FSTL4: variants seen among roughly 807,000 people sequenced by gnomAD.
FSTL4 encodes follistatin like 4.
A neutral mutation model predicts 78.2 loss-of-function variants in FSTL4; 28 were observed. That is an observed-to-expected ratio of 0.36 (90% CI 0.27 to 0.49). FSTL4 has a LOEUF of 0.49. Ranked by LOEUF, FSTL4 falls within the 20% of genes least tolerant of loss-of-function variation. The pLI, the probability that FSTL4 is intolerant of heterozygous loss-of-function variation, is 0.98. For synonymous variants in FSTL4, 422 were observed against 440.5 expected, an observed-to-expected ratio of 0.96 and a Z score of 0.53; for missense variants, 922 against 1,084.9, an observed-to-expected ratio of 0.85 and a Z score of 2.11.
At chr5:133,740,280 C>G in the FSTL4 span, among the ~76,000 whole-genome samples, 2 of 152,156 alleles carry the variant, frequency 1.3e-5, no homozygotes, top group Admixed American at 6.5e-5. Flanking sequence ...ACATCAAACT[C>G]TAAGAGTGGG....
intron 4 of FSTL4, among the ~76,000 whole-genome samples, chr5:133,389,621 G>A (rs1319885360): frequency 6.6e-6 from 1 of 152,044 alleles, no homozygotes; most frequent in Non-Finnish European, 1.5e-5. Flanking sequence ...CTGCTTTCCT[G>A]TCCATCACCC....
At chr5:133,549,190 T>A (rs1236766224) in intron 3 of FSTL4, among the ~76,000 whole-genome samples, 1 of 152,132 alleles carries the variant, frequency 6.6e-6, no homozygotes, top group Non-Finnish European at 1.5e-5. Context: ...AATATTACTC[T>A]TCCTGTTTTC....
intron 6 of FSTL4, among the ~76,000 whole-genome samples, chr5:133,267,953 G>A (rs1246573617): frequency 6.6e-6 from 1 of 152,184 alleles, no homozygotes; most frequent in African/African-American, 2.4e-5. Context: ...GAGGAGCTGT[G>A]TCTGCCACTG....
At chr5:133,315,425 C>G (rs1753881390) in intron 5 of FSTL4, among the ~76,000 whole-genome samples, 1 of 152,226 alleles carries the variant, frequency 6.6e-6, no homozygotes, top group South Asian at 2.1e-4. Context: ...AAGGGCCTAG[C>G]TCAATGTCAA....
intron 14 of FSTL4, among the ~76,000 whole-genome samples, chr5:133,205,218 G>C (rs116391242): frequency 8.2e-4 from 125 of 152,202 alleles, no homozygotes; most frequent in Non-Finnish European, 1.5e-3. Flanking sequence ...TTAATTAAAT[G>C]TCTTTTCAGT....
chr5:133,626,350 T>G, the FSTL4 span, among the ~76,000 whole-genome samples: 1 of 91,670 alleles, frequency 1.1e-5, no homozygotes, highest in Non-Finnish European at 1.9e-5. Flanking sequence ...CATATATATA[T>G]ATTCCATATA....
the FSTL4 span, among the ~76,000 whole-genome samples, chr5:133,666,925 C>G: frequency 2.0e-5 from 3 of 152,270 alleles, no homozygotes; most frequent in African/African-American, 4.8e-5. Context: ...ATATTTTAGT[C>G]TAGTCTCCTG....
At chr5:133,383,519 C>G (rs1278371006) in intron 4 of FSTL4, among the ~76,000 whole-genome samples, 1 of 152,196 alleles carries the variant, frequency 6.6e-6, no homozygotes, top group Non-Finnish European at 1.5e-5. Context: ...GCCCACTTCC[C>G]TGGAAGGAGT....
the FSTL4 span, among the ~76,000 whole-genome samples, chr5:133,628,361 C>CTTTTT: frequency 7.3e-6 from 1 of 137,782 alleles, no homozygotes; most frequent in African/African-American, 3.3e-5. Context: ...CTTTTCTTTT[C>CTTTTT]TTTTCTTTTT....
At chr5:133,835,654 C>A in the FSTL4 span, among the ~76,000 whole-genome samples, 2 of 152,126 alleles carry the variant, frequency 1.3e-5, no homozygotes, top group South Asian at 4.1e-4. Flanking sequence ...TAAGAAAATG[C>A]CTGCCCTGCT....
At chr5:133,750,275 A>T in the FSTL4 span, among the ~76,000 whole-genome samples, 1 of 152,222 alleles carries the variant, frequency 6.6e-6, no homozygotes, top group Admixed American at 6.5e-5. Context: ...TGCTTGCTCC[A>T]TGAAGTAATT....
chr5:133,220,955 C>G (rs1488789778), intron 11 of FSTL4, 89 bp from the exon 12 acceptor site: 1 of 810,624 alleles, frequency 1.2e-6, no homozygotes, highest in Non-Finnish European at 2.2e-6. Context: ...AAGAAACCGG[C>G]CACGTGGATG....
chr5:133,522,989 G>C (rs190571), intron 3 of FSTL4, among the ~76,000 whole-genome samples: 19,461 of 98,430 alleles, frequency 0.2, 1,301 homozygotes, highest in Non-Finnish European at 0.21. Context: ...TGCCACCCCC[G>C]AGTCCCCCCT....
chr5:133,233,762 G>A (rs1043360482), intron 7 of FSTL4, among the ~76,000 whole-genome samples: 1 of 152,192 alleles, frequency 6.6e-6, no homozygotes, highest in African/African-American at 2.4e-5. Context: ...TTAAGGCCTT[G>A]TGTACCTGGC....
At chr5:133,325,935 G>C (rs762608029) in intron 4 of FSTL4, among the ~76,000 whole-genome samples, 1 of 152,190 alleles carries the variant, frequency 6.6e-6, no homozygotes, top group African/African-American at 2.4e-5. Context: ...GCAAAGCTTC[G>C]ATCTTCACCA....
At chr5:133,270,326 G>T (rs1298974531) in intron 6 of FSTL4, among the ~76,000 whole-genome samples, 1 of 152,070 alleles carries the variant, frequency 6.6e-6, no homozygotes, top group Non-Finnish European at 1.5e-5. Context: ...AAGCCAATAA[G>T]AAAAAAATAA....
At chr5:133,546,891 A>G (rs555789184) in intron 3 of FSTL4, among the ~76,000 whole-genome samples, 1 of 152,232 alleles carries the variant, frequency 6.6e-6, no homozygotes, top group African/African-American at 2.4e-5. Context: ...AGTGGCATCA[A>G]TTTTGCAGGC....
intron 2 of FSTL4, among the ~76,000 whole-genome samples, chr5:133,594,827 C>A (rs570460192): frequency 1.5e-4 from 23 of 152,208 alleles, no homozygotes; most frequent in Middle Eastern, 3.2e-3. Context: ...ACTTAGAGAG[C>A]AAGCTTTAAA....
intron 1 of FSTL4, among the ~76,000 whole-genome samples, chr5:133,607,085 C>T (rs1194555181): frequency 6.6e-6 from 1 of 152,046 alleles, no homozygotes; most frequent in South Asian, 2.1e-4. Flanking sequence ...CAGGAAAACA[C>T]ATGAGCCAGG....
Sources: allele counts gnomAD v4.1 joint callset (sites outside exome capture counted in the v4.1 genomes callset), GRCh38; gene constraint gnomAD v4.1.1; transcripts MANE v1.5; gene names NCBI Gene and HGNC (gene_info 2026-07-23, HGNC 2026-07-21).